The following TRIOBP variants were observed in gnomAD, a reference collection of about 807,000 sequenced individuals.
The protein encoded by TRIOBP is TRIO and F-actin-binding protein.
In TRIOBP, 169 loss-of-function variants were observed where a neutral mutation model predicts 238.8. The observed-to-expected ratio is 0.71, with a 90% CI of 0.62 to 0.80. TRIOBP has a LOEUF of 0.80. TRIOBP is among the 30% of genes least tolerant of loss of function. The pLI is 0.00. For missense variants in TRIOBP, 2,838 were observed against 3,122.6 expected (o/e 0.91, Z 2.17); for synonymous variants, 1,150 against 1,274.4 (o/e 0.90, Z 2.08).
intron 17 of TRIOBP, among the ~76,000 whole-genome samples, chr22:37,761,219 G>C (rs905961143): frequency 1.3e-5 from 2 of 152,164 alleles, no homozygotes; most frequent in Admixed American, 1.3e-4. Context: ...AGGTGAGGTG[G>C]GTGGATCACT....
At chr22:37,721,420 G>C (rs1923823101) in intron 6 of TRIOBP, among the ~76,000 whole-genome samples, 1 of 152,196 alleles carries the variant, frequency 6.6e-6, no homozygotes, top group South Asian at 2.1e-4. Context: ...GAGGACAGGG[G>C]ATCTTAAGAA....
At chr22:37,698,617 T>C (rs1228373505) in intron 2 of TRIOBP, among the ~76,000 whole-genome samples, 2 of 151,940 alleles carry the variant, frequency 1.3e-5, no homozygotes, top group African/African-American at 4.8e-5. Context: ...CCTCCCAAAG[T>C]GCTGGGATTA....
At chr22:37,746,570 G>A in intron 11 of TRIOBP, 1 of 679,292 alleles carries the variant, frequency 1.5e-6, no homozygotes, top group Non-Finnish European at 2.0e-6. Flanking sequence ...CACCTCCGAA[G>A]CGCTTTCGGC....
intron 12 of TRIOBP, 35 bp downstream of exon 12, chr22:37,751,863 C>T (rs1372675592): frequency 7.1e-7 from 1 of 1,413,342 alleles, no homozygotes; most frequent in Non-Finnish European, 9.5e-7. Context: ...AGGAAGCTGG[C>T]TTGTGCTGCT....
Position 37,769,207 on chromosome 22 carries a change from G to A in TRIOBP, c.6735+20G>A. ...AACCAGGTGGGCCTGGCCCCAGGTT[G>A]GGGGGACACGGGTGGGTCCCGGCAC... On this transcript the variant is annotated intron_variant, in intron 20 of 23. Transcript: ENST00000644935. The A allele has an allele frequency of 6.3e-7, 1 of 1,591,508 alleles. No homozygotes were observed. Among genetic ancestry groups the A allele is most frequent in the Non-Finnish European group, 8.6e-7 (1 of 1,168,990 alleles).
At chr22:37,745,537 A>G (rs1425814391) in intron 11 of TRIOBP, among the ~76,000 whole-genome samples, 1 of 152,178 alleles carries the variant, frequency 6.6e-6, no homozygotes, top group Admixed American at 6.5e-5. Context: ...GTGCACGCCC[A>G]CACCTGAAAA....
intron 10 of TRIOBP, among the ~76,000 whole-genome samples, chr22:37,739,948 G>T (rs942318608): frequency 2.6e-5 from 4 of 152,212 alleles, no homozygotes; most frequent in African/African-American, 9.6e-5. Flanking sequence ...TGACTGGTCA[G>T]AACTGATAAC....
chr22:37,751,134 A>G (rs973457130), intron 11 of TRIOBP: 4 of 434,026 alleles, frequency 9.2e-6, no homozygotes, highest in African/African-American at 6.2e-5. Context: ...ACAGGTCTCC[A>G]TGGGACATGC....
At chr22:37,740,709 C>T (rs1924891769) in intron 10 of TRIOBP, among the ~76,000 whole-genome samples, 186 bp from the exon 11 acceptor site, 1 of 152,202 alleles carries the variant, frequency 6.6e-6, no homozygotes, top group Non-Finnish European at 1.5e-5. Flanking sequence ...GGAGCCTTGT[C>T]AGTCCAACAC....
intron 6 of TRIOBP, among the ~76,000 whole-genome samples, chr22:37,721,116 G>A (rs550859236): frequency 8.4e-4 from 126 of 150,128 alleles, no homozygotes; most frequent in African/African-American, 3.0e-3. Flanking sequence ...TGATCCGCCC[G>A]CCTCGGCCTC....
At chr22:37,730,878 C>T (rs1022241180) in intron 7 of TRIOBP, among the ~76,000 whole-genome samples, 5 of 145,798 alleles carry the variant, frequency 3.4e-5, no homozygotes, top group Non-Finnish European at 5.9e-5. Flanking sequence ...AACCAGAAGG[C>T]GGAGGTTGCA....
chr22:37,757,689 C>T lies in TRIOBP; in HGVS notation c.5764C>T (p.Arg1922Trp), dbSNP rs183941928. 5.4e-4 allele frequency: 863 copies of T among 1,585,132 alleles called. 8 individuals carry two copies. The East Asian group carries it at 0.015, about 28-fold the overall frequency. The part of the protein sequence containing the change: ...QKGPLKAGEQ[R>W]AGSEVISRGG... ...GGGCCCCCTGAAGGCAGGGGAGCAG[C>T]GGGCGGGCTCTGAGGTCATCAGCCG... Residue 1922 changes from arginine (R) to tryptophan (W), a missense_variant, in exon 16 of 24, where the codon CGG (arginine) becomes TGG (tryptophan). Arg to Trp is a moderately radical substitution (Grantham distance 101). This residue lies in a region of TRIOBP where 2,096 missense variants were observed against 2,137.4 expected (regional missense o/e 0.98). Transcript: ENST00000644935.
rs140122200 is a variant in TRIOBP at position 37,759,482 on chromosome 22, C to T, written c.6324+218C>T. On this transcript the variant is annotated intron_variant, in intron 17 of 23. Coordinates refer to ENST00000644935, the MANE Select transcript of TRIOBP (RefSeq NM_001039141.3). ...CACTGAGCTCTGAGAGGTTATGTGA[C>T]TTGCCCAAGGTCACCCCGCCTGCAG... is the stretch of plus-strand genomic sequence containing the variant. 4 of 1,594,198 alleles carry T rather than the reference C, an allele frequency of 2.5e-6. No homozygotes were observed. The African/African-American group carries it at 4.0e-5, about 16-fold the overall frequency.
intron 3 of TRIOBP, among the ~76,000 whole-genome samples, chr22:37,704,501 G>A (rs1278648806): frequency 6.6e-6 from 1 of 151,790 alleles, no homozygotes; most frequent in Non-Finnish European, 1.5e-5. Context: ...GAGAGAGGAG[G>A]AGAGGAGGAG....
chr22:37,767,340 T>C (rs1926556702), intron 18 of TRIOBP, among the ~76,000 whole-genome samples: 2 of 151,810 alleles, frequency 1.3e-5, no homozygotes, highest in Admixed American at 6.6e-5. Flanking sequence ...AGAGAAACTT[T>C]CAATGTTCAG....
rs368185393 is a variant in TRIOBP at position 37,755,167 on chromosome 22, C to T, written c.5554C>T (p.Arg1852Cys). The change falls in exon 14 of 24, where the codon CGC becomes TGC. Residue 1852 changes from arginine (R) to cysteine (C), a missense_variant. Arg to Cys is a radical substitution (Grantham distance 180). Coordinates refer to ENST00000644935, the MANE Select transcript of TRIOBP (RefSeq NM_001039141.3). Reference sequence around the variant, plus strand: ...GGATGTCACTGAGTACGCGGTGCAGCGCAACTATGGCTTCCAGATCCACGT... The same window carrying T: ...GGATGTCACTGAGTACGCGGTGCAGTGCAACTATGGCTTCCAGATCCACGT... ...CTDVTEYAVQRNYGFQIHTKD... is the reference protein window; with the variant it reads ...CTDVTEYAVQCNYGFQIHTKD... The T allele has an allele frequency of 1.9e-6, 3 of 1,612,852 alleles. No individual in the cohort carries two copies. The highest frequency in any genetic ancestry group is 1.3e-5 in the African/African-American group (1 of 74,888).
intron 7 of TRIOBP, among the ~76,000 whole-genome samples, chr22:37,730,476 G>T (rs1924369512): frequency 1.3e-5 from 2 of 152,160 alleles, no homozygotes; most frequent in African/African-American, 4.8e-5. Flanking sequence ...TTGCTTCCCT[G>T]CACCGGGTGT....
chr22:37,714,144 G>A (rs1034262538), intron 5 of TRIOBP, among the ~76,000 whole-genome samples: 2 of 152,118 alleles, frequency 1.3e-5, no homozygotes, highest in African/African-American at 2.4e-5. Context: ...GCAACTTAGT[G>A]GAGGCCACAC....
chr22:37,727,649 C>CA (rs746465843), intron 7 of TRIOBP, among the ~76,000 whole-genome samples: 4 of 152,110 alleles, frequency 2.6e-5, no homozygotes, highest in Non-Finnish European at 5.9e-5. Context: ...ACCTGGGTGA[C>CA]AGAGTGAGAC....
Sources: allele counts gnomAD v4.1 joint callset (sites outside exome capture counted in the v4.1 genomes callset), GRCh38; gene constraint gnomAD v4.1.1; regional missense constraint gnomAD v4.1.1; transcripts MANE v1.5; gene names NCBI Gene and HGNC (gene_info 2026-07-23, HGNC 2026-07-21).